Variants in CHST11 observed in about 807,000 individuals in gnomAD.
CHST11 encodes carbohydrate sulfotransferase 11.
Under a neutral mutation model 30.4 loss-of-function variants are expected in CHST11, and 9 were observed. That is an observed-to-expected ratio of 0.30 (90% CI 0.18 to 0.52). CHST11 has a LOEUF of 0.52. Ranked by LOEUF, CHST11 falls within the 20% of genes least tolerant of loss-of-function variation. The probability of loss-of-function intolerance (pLI) is 0.97; values close to 1 mark genes in which losing one functional copy is unlikely to be tolerated. For synonymous variants in CHST11, 152 were observed against 187.8 expected (o/e 0.81, Z 1.56); for missense variants, 348 against 460.6 (o/e 0.76, Z 2.24).
At chr12:104,502,763 GA>G (rs1365902686) in intron 1 of CHST11, among the ~76,000 whole-genome samples, 3 of 152,206 alleles carry the variant, frequency 2.0e-5, no homozygotes, top group African/African-American at 7.2e-5. Context: ...TTTAACAATG[GA>G]AAGTTATAAA....
intron 1 of CHST11, among the ~76,000 whole-genome samples, chr12:104,526,909 C>A (rs900452928): frequency 6.6e-6 from 1 of 152,228 alleles, no homozygotes; most frequent in Non-Finnish European, 1.5e-5. Context: ...GTCCTCTTTT[C>A]TCCCGGGTTG....
At chr12:104,637,901 C>T (rs79829233) in intron 2 of CHST11, among the ~76,000 whole-genome samples, 83 of 152,312 alleles carry the variant, frequency 5.4e-4, no homozygotes, top group African/African-American at 2.0e-3. Context: ...TCACAAGCTC[C>T]CGGCACTTCT....
At position 104,462,027 on chromosome 12, in the gene CHST11, C is replaced by T. The variant is rs541513391; in HGVS notation, c.118+4498C>T. Among the ~76,000 whole-genome samples, 58 of 151,416 alleles carry T rather than the reference C, an allele frequency of 3.8e-4. 1 individual carries two copies. Among genetic ancestry groups the T allele is most frequent in the African/African-American group, 1.3e-3 (54 of 41,276 alleles). ...AAAAATACAAAAAAAATTAGCCGGG[C>T]GTGGTGGTGCACGCCTGTAATCCCA... On this transcript the variant is annotated intron_variant, in intron 1 of 2. Transcript: ENST00000303694.
At chr12:104,632,635 G>A (rs759046531) in intron 2 of CHST11, among the ~76,000 whole-genome samples, 4 of 152,218 alleles carry the variant, frequency 2.6e-5, no homozygotes, top group South Asian at 4.1e-4. Flanking sequence ...TCCTCCATCC[G>A]CTCAAACGGG....
At chr12:104,577,490 A>G (rs539042708) in intron 1 of CHST11, among the ~76,000 whole-genome samples, 14 of 152,152 alleles carry the variant, frequency 9.2e-5, no homozygotes, top group Non-Finnish European at 1.6e-4. Context: ...GGTAGGCTAC[A>G]TTATCATGGA....
intron 1 of CHST11, among the ~76,000 whole-genome samples, chr12:104,556,406 A>T (rs537534016): frequency 1.3e-5 from 2 of 152,268 alleles, no homozygotes; most frequent in Admixed American, 6.5e-5. Flanking sequence ...TGCCATACAA[A>T]TTCTCATTAT....
At position 104,684,541 on chromosome 12, in the gene CHST11, G is replaced by A. The variant is rs185724612; in HGVS notation, c.205-72408G>A. On this transcript the variant is annotated intron_variant, in intron 2 of 2. Transcript: ENST00000303694. ...ACCTTTGTTTTGTTTGATATGGTTT[G>A]GTTTGGTTTGGTTTGGTTTTGTTAG... Among the ~76,000 whole-genome samples, 69 of 152,246 alleles carry A rather than the reference G, an allele frequency of 4.5e-4. 1 individual carries two copies. The highest frequency in any genetic ancestry group is 1.5e-4 in the Non-Finnish European group (10 of 68,008).
intron 1 of CHST11, among the ~76,000 whole-genome samples, chr12:104,490,328 G>A (rs1455716694): frequency 6.6e-6 from 1 of 152,190 alleles, no homozygotes; most frequent in East Asian, 1.9e-4. Flanking sequence ...GCTGCCAATG[G>A]GAGTGGGCTC....
chr12:104,475,933 T>C (rs2037556295), intron 1 of CHST11, among the ~76,000 whole-genome samples: 1 of 143,534 alleles, frequency 7.0e-6, no homozygotes, highest in Non-Finnish European at 1.5e-5. Context: ...TAGAAGCGGG[T>C]CCCTTATATT....
intron 1 of CHST11, among the ~76,000 whole-genome samples, chr12:104,502,948 T>C (rs1033582012): frequency 6.6e-6 from 1 of 152,184 alleles, no homozygotes; most frequent in African/African-American, 2.4e-5. Context: ...ATTCAGTAGA[T>C]GTGGGGCAGA....
intron 1 of CHST11, among the ~76,000 whole-genome samples, chr12:104,493,401 G>A (rs2037768642): frequency 6.6e-6 from 1 of 151,674 alleles, no homozygotes; most frequent in South Asian, 2.1e-4. Flanking sequence ...ATAGACATAG[G>A]TGTTCTTGAA....
chr12:104,503,265 A>C (rs560570699), intron 1 of CHST11, among the ~76,000 whole-genome samples: 16 of 152,180 alleles, frequency 1.1e-4, no homozygotes, highest in Non-Finnish European at 2.2e-4. Flanking sequence ...TAAAGGTGTT[A>C]GTTACAAGAG....
intron 1 of CHST11, among the ~76,000 whole-genome samples, chr12:104,586,325 T>C (rs963809745): frequency 6.6e-6 from 1 of 152,192 alleles, no homozygotes; most frequent in African/African-American, 2.4e-5. Flanking sequence ...TCCCTTGGGC[T>C]TTTAAAAGGT....
intron 1 of CHST11, among the ~76,000 whole-genome samples, chr12:104,521,979 T>A (rs556613536): frequency 6.6e-6 from 1 of 152,252 alleles, no homozygotes; most frequent in South Asian, 2.1e-4. Flanking sequence ...CAGGATCTTA[T>A]CACCCTCTCT....
intron 2 of CHST11, among the ~76,000 whole-genome samples, chr12:104,608,716 G>T (rs776084739): frequency 6.6e-6 from 1 of 152,186 alleles, no homozygotes; most frequent in African/African-American, 2.4e-5. Flanking sequence ...ACATGCTGAG[G>T]TTGTTCACTC....
At chr12:104,750,454 T>TTTTTTTTTTG (rs1566064735) in intron 2 of CHST11, among the ~76,000 whole-genome samples, 1 of 122,188 alleles carries the variant, frequency 8.2e-6, no homozygotes, top group African/African-American at 3.4e-5. Flanking sequence ...TTTTTTTTTT[T>TTTTTTTTTTG]TTGTTGAGAC....
chr12:104,559,415 G>A (rs1324181372), intron 1 of CHST11, among the ~76,000 whole-genome samples: 2 of 152,178 alleles, frequency 1.3e-5, no homozygotes, highest in Non-Finnish European at 2.9e-5. Context: ...TCCCTTCATG[G>A]AGCCTCCATT....
chr12:104,580,311 A>G (rs1178623021), intron 1 of CHST11, among the ~76,000 whole-genome samples: 3 of 152,356 alleles, frequency 2.0e-5, no homozygotes, highest in Non-Finnish European at 4.4e-5. Flanking sequence ...TTCAGCCACA[A>G]TAAAGCCAAA....
intron 1 of CHST11, among the ~76,000 whole-genome samples, chr12:104,590,908 C>T (rs371881336): frequency 7.3e-5 from 11 of 150,276 alleles, no homozygotes; most frequent in Admixed American, 2.0e-4. Flanking sequence ...GGTGAGAGAA[C>T]GAGACCCTGT....
Sources: allele counts gnomAD v4.1 joint callset (sites outside exome capture counted in the v4.1 genomes callset), GRCh38; gene constraint gnomAD v4.1.1; transcripts MANE v1.5; gene names NCBI Gene and HGNC (gene_info 2026-07-23, HGNC 2026-07-21).